Variants in SOX5 observed in about 807,000 individuals in gnomAD.
SOX5 encodes SRY-box transcription factor 5, also known as transcription factor SOX-5.
SOX5 carries 9 observed loss-of-function variants against 92.0 expected under a neutral mutation model. The observed-to-expected ratio is 0.10, with a 90% CI of 0.06 to 0.17. SOX5 has a LOEUF of 0.17. Among genes scored for constraint, SOX5 ranks in the 10% least tolerant of loss-of-function variants. The pLI is 1.00. For missense variants in SOX5, 642 were observed against 944.5 expected (o/e 0.68, Z 4.20); for synonymous variants, 344 against 336.3 (o/e 1.02, Z -0.25).
At chr12:24,118,515 T>C (rs1004528299) in intron 4 of SOX5, among the ~76,000 whole-genome samples, 7 of 151,906 alleles carry the variant, frequency 4.6e-5, no homozygotes, top group African/African-American at 1.7e-4. Flanking sequence ...CTACTAAAGG[T>C]CATTAAACAT....
chr12:24,410,973 C>T (rs1041599376), intron 1 of SOX5, among the ~76,000 whole-genome samples: 5 of 152,130 alleles, frequency 3.3e-5, no homozygotes, highest in Non-Finnish European at 7.4e-5. Flanking sequence ...TTTAGATCTT[C>T]ATTCAGCATT....
At chr12:24,474,188 GATTTTATAA>G (rs1945109645) in intron 1 of SOX5, among the ~76,000 whole-genome samples, 1 of 151,984 alleles carries the variant, frequency 6.6e-6, no homozygotes, top group African/African-American at 2.4e-5. Context: ...AAAACAATGA[GATTTTATAA>G]ATATTTTGTC....
upstream of SOX5, among the ~76,000 whole-genome samples, chr12:23,953,330 A>G (rs1016316659): frequency 6.6e-6 from 1 of 152,090 alleles, no homozygotes; most frequent in Non-Finnish European, 1.5e-5. Context: ...AAATGTTTAA[A>G]TATTAAATAT....
chr12:23,609,294 T>C (rs1241547721), intron 8 of SOX5, among the ~76,000 whole-genome samples: 1 of 152,180 alleles, frequency 6.6e-6, no homozygotes, highest in Non-Finnish European at 1.5e-5. Flanking sequence ...AGAGTTTTAA[T>C]TGAATATGTA....
intron 3 of SOX5, among the ~76,000 whole-genome samples, chr12:24,216,604 A>G (rs927196813): frequency 2.0e-5 from 3 of 152,024 alleles, no homozygotes; most frequent in Admixed American, 2.0e-4. Flanking sequence ...TTATATGCTT[A>G]TGTAATAAAT....
chr12:23,970,408 G>A (rs10771050), intron 4 of SOX5, among the ~76,000 whole-genome samples: 72,375 of 151,548 alleles, frequency 0.48, 18,088 homozygotes, highest in African/African-American at 0.59. Flanking sequence ...CTTTTTCATC[G>A]TCCCTAACAG....
At chr12:23,838,843 T>TGGGCC (rs55896803) in intron 3 of SOX5, among the ~76,000 whole-genome samples, 1 of 38,150 alleles carries the variant, frequency 2.6e-5, no homozygotes, top group Non-Finnish European at 5.1e-5. Context: ...TCTTTTTTTT[T>TGGGCC]GGGGGGGGGG....
chr12:24,067,439 T>G (rs925682572), intron 4 of SOX5, among the ~76,000 whole-genome samples: 6 of 152,026 alleles, frequency 3.9e-5, no homozygotes, highest in African/African-American at 1.2e-4. Flanking sequence ...CCTTTCAACT[T>G]TATATTAAGT....
intron 1 of SOX5, among the ~76,000 whole-genome samples, chr12:24,427,674 G>T (rs181544238): frequency 6.6e-6 from 1 of 152,284 alleles, no homozygotes; most frequent in East Asian, 1.9e-4. Context: ...ATCTCTTTGA[G>T]ATCTTTTTCA....
Position 24,364,048 on chromosome 12 carries a change from C to T in SOX5, c.-174+4515G>A, listed in dbSNP as rs544986380. Among the ~76,000 whole-genome samples the T allele has an allele frequency of 5.9e-5, 9 of 152,292 alleles. No homozygotes were observed. The East Asian group carries it at 1.5e-3, about 26-fold the overall frequency. ...TGAGAAAGATTATTTAGATTAGATG[C>T]TTTGTCTCTTTGACTCCCAGTTAGA... On this transcript the variant is annotated intron_variant, in intron 2 of 4. Transcript: ENST00000446891.
rs571876643 is a variant in SOX5 at position 23,957,636 on chromosome 12, T to C, written c.-1-61612A>G. Among the ~76,000 whole-genome samples, 37 of 152,336 alleles carry C rather than the reference T, an allele frequency of 2.4e-4. No homozygotes were observed. In the South Asian group the frequency reaches 7.2e-3, roughly 30 times the overall value. On this transcript the variant is annotated intron_variant, in intron 4 of 4. Coordinates refer to the SOX5 transcript ENST00000446891. The stretch of plus-strand genomic sequence containing the variant: ...AACCTAGTTGTTATAATGCATTGTG[T>C]GGACACTCTGAAGAGCTGCTTCCAT...
chr12:23,918,690 C>T (rs1221562257), intron 1 of SOX5, among the ~76,000 whole-genome samples: 3 of 152,036 alleles, frequency 2.0e-5, no homozygotes, highest in Non-Finnish European at 4.4e-5. Context: ...CTTTGGGAGG[C>T]CCAGGTGGAG....
intron 3 of SOX5, among the ~76,000 whole-genome samples, chr12:24,270,672 A>G (rs753859218): frequency 2.6e-5 from 4 of 152,042 alleles, no homozygotes; most frequent in African/African-American, 4.8e-5. Context: ...CCTGACCTCA[A>G]CCTCTTTCCT....
chr12:24,107,750 A>T (rs1356100696), intron 4 of SOX5, among the ~76,000 whole-genome samples: 1 of 152,216 alleles, frequency 6.6e-6, no homozygotes, highest in African/African-American at 2.4e-5. Context: ...GAAAACAATC[A>T]ATGTGTTGAT....
chr12:23,750,472 C>T (rs546496859), intron 4 of SOX5, among the ~76,000 whole-genome samples: 4 of 151,898 alleles, frequency 2.6e-5, no homozygotes, highest in African/African-American at 9.6e-5. Context: ...ACCATGCTTT[C>T]CTAGTAAATT....
intron 4 of SOX5, among the ~76,000 whole-genome samples, chr12:24,120,518 C>T (rs1021875225): frequency 1.3e-5 from 2 of 152,098 alleles, no homozygotes; most frequent in Admixed American, 6.6e-5. Flanking sequence ...AATGAGCTCT[C>T]CCATCGCCTA....
intron 11 of SOX5, among the ~76,000 whole-genome samples, chr12:23,554,143 TTCG>T (rs985375054): frequency 1.2e-4 from 19 of 152,212 alleles, no homozygotes; most frequent in African/African-American, 4.3e-4. Flanking sequence ...TAGCTGAAAC[TTCG>T]TCACTTGTTT....
chr12:23,704,715 T>TATATATATATATATACAC (rs1434949526), intron 6 of SOX5, among the ~76,000 whole-genome samples: 1 of 108,362 alleles, frequency 9.2e-6, no homozygotes, highest in African/African-American at 3.2e-5. Context: ...TATATATATA[T>TATATATATATATATACAC]ACACACACAC....
intron 2 of SOX5, among the ~76,000 whole-genome samples, chr12:24,324,815 T>C (rs112025696): frequency 1.3e-5 from 2 of 152,124 alleles, no homozygotes; most frequent in East Asian, 1.9e-4. Flanking sequence ...ATATGGGATA[T>C]AGCACAATGC....
Sources: allele counts gnomAD v4.1 joint callset (sites outside exome capture counted in the v4.1 genomes callset), GRCh38; gene constraint gnomAD v4.1.1; transcripts MANE v1.5; gene names NCBI Gene and HGNC (gene_info 2026-07-23, HGNC 2026-07-21).